TRAPPC9: variants seen among roughly 807,000 people sequenced by gnomAD.
TRAPPC9 encodes IKK2 binding protein.
A neutral mutation model predicts 124.0 loss-of-function variants in TRAPPC9; 83 were observed. That is an observed-to-expected ratio of 0.67 (90% CI 0.56 to 0.80). The LOEUF (loss-of-function observed/expected upper bound fraction) is 0.80, where lower values mean the gene tolerates loss of function less well. Among genes scored for constraint, TRAPPC9 ranks in the 30% least tolerant of loss-of-function variants. The pLI is 0.00. For missense variants in TRAPPC9, 1,302 were observed against 1,508.3 expected, an observed-to-expected ratio of 0.86 and a Z score of 2.27; for synonymous variants, 638 against 617.5, an observed-to-expected ratio of 1.03 and a Z score of -0.49.
chr8:139,814,202 G>A (rs1251858303), intron 21 of TRAPPC9, among the ~76,000 whole-genome samples: 1 of 152,216 alleles, frequency 6.6e-6, no homozygotes, highest in Non-Finnish European at 1.5e-5. Context: ...CCAGGGGCAG[G>A]CTGTGATGTC....
In TRAPPC9 at chr8:140,450,960, G is replaced by A. The variant is rs115986561; in HGVS notation, c.414C>T (p.Tyr138=). 2,492 of 1,614,118 alleles carry A rather than the reference G, an allele frequency of 1.5e-3. 33 individuals carry two copies. The African/African-American group carries it at 0.028, about 18-fold the overall frequency. Residue 138 remains tyrosine (Y), a synonymous_variant, in exon 2 of 23, where the codon TAC becomes TAT. Transcript: ENST00000438773. ...PRTDVAFYPN[Y]EDCQTVEKRI... ...TCTTCTCCACCGTCTGGCAGTCCTC[G>A]TAGTTGGGGTAGAAAGCCACGTCGG...
intron 11 of TRAPPC9, among the ~76,000 whole-genome samples, chr8:140,292,736 A>C (rs2065694687): frequency 6.6e-6 from 1 of 150,668 alleles, no homozygotes; most frequent in African/African-American, 2.5e-5. Context: ...AAAGACTTAA[A>C]CGTTAGACCT....
Position 139,730,986 on chromosome 8 carries a change from C to T in TRAPPC9, c.*75G>A, listed in dbSNP as rs1817781040. The T allele has an allele frequency of 3.3e-6, 5 of 1,535,314 alleles. No individual in the cohort carries two copies. The highest frequency in any genetic ancestry group is 1.4e-5 in the African/African-American group (1 of 73,730). On this transcript the variant is annotated 3_prime_UTR_variant, in exon 23 of 23. Coordinates refer to ENST00000438773, the MANE Select transcript of TRAPPC9 (RefSeq NM_001160372.4). ...AGATGGGGCTGCAGTGAAGGCCTTG[C>T]TCATTGCAGGGGGTGTGGGAGGCCA...
intron 18 of TRAPPC9, among the ~76,000 whole-genome samples, chr8:140,020,075 GT>G (rs1204342653): frequency 1.3e-5 from 2 of 152,082 alleles, no homozygotes; most frequent in African/African-American, 4.8e-5. Context: ...TGTGGAATTA[GT>G]AGTAATGCCA....
intron 9 of TRAPPC9, among the ~76,000 whole-genome samples, chr8:140,347,845 T>C (rs770378546): frequency 8.5e-5 from 13 of 152,238 alleles, no homozygotes; most frequent in Non-Finnish European, 1.8e-4. Flanking sequence ...TTTATAGCTG[T>C]CTCATAATTT....
chr8:139,864,617 G>A (rs997362043), intron 21 of TRAPPC9, among the ~76,000 whole-genome samples: 1 of 152,170 alleles, frequency 6.6e-6, no homozygotes, highest in Non-Finnish European at 1.5e-5. Flanking sequence ...CTCTGTAAAT[G>A]ACAGTAGCAT....
chr8:139,911,003 G>A (rs12545431), intron 19 of TRAPPC9, among the ~76,000 whole-genome samples: 20,781 of 152,210 alleles, frequency 0.14, 1,635 homozygotes, highest in African/African-American at 0.19. Context: ...GTTTTGAAAT[G>A]TGAAGATATG....
intron 14 of TRAPPC9, 24 bp downstream of exon 14, chr8:140,283,865 C>T (rs191363774): frequency 6.2e-7 from 1 of 1,613,724 alleles, no homozygotes; most frequent in African/African-American, 1.3e-5. Flanking sequence ...AGCCACTCTG[C>T]TCTGTGACCC....
chr8:140,118,443 T>C (rs780375674), intron 17 of TRAPPC9, among the ~76,000 whole-genome samples: 5 of 152,204 alleles, frequency 3.3e-5, no homozygotes, highest in Non-Finnish European at 7.3e-5. Context: ...TGTCTGAGTA[T>C]CTTAGTGGAC....
At chr8:140,185,692 G>C (rs2062337253) in intron 17 of TRAPPC9, among the ~76,000 whole-genome samples, 1 of 152,250 alleles carries the variant, frequency 6.6e-6, no homozygotes, top group African/African-American at 2.4e-5. Flanking sequence ...CACCAGCGAG[G>C]GGCGGGGACT....
At chr8:140,052,671 A>C (rs1233277033) in intron 17 of TRAPPC9, among the ~76,000 whole-genome samples, 2 of 152,006 alleles carry the variant, frequency 1.3e-5, no homozygotes, top group African/African-American at 4.8e-5. Context: ...AATCCCAGCT[A>C]CTCAGGAGGC....
At chr8:140,151,276 G>A (rs2061539421) in intron 17 of TRAPPC9, among the ~76,000 whole-genome samples, 1 of 152,162 alleles carries the variant, frequency 6.6e-6, no homozygotes, top group Non-Finnish European at 1.5e-5. Flanking sequence ...CAGACTCACA[G>A]CAGGCCTGGG....
rs191387232 is a variant in TRAPPC9, at chr8:139,894,313, G to A, written c.2965-8344C>T. 4.3e-3 allele frequency among the ~76,000 whole-genome samples: 652 copies of A among 152,308 alleles called. 9 individuals are homozygous for A. Among genetic ancestry groups the A allele is most frequent in the African/African-American group, 0.015 (625 of 41,552 alleles). ...TCCTTGCGGGGAGGCCCAGGAGAGA[G>A]CCAATGCCAACCCCCAACGAGACCA... On this transcript the variant is annotated intron_variant, in intron 20 of 22. Coordinates refer to ENST00000438773, the MANE Select transcript of TRAPPC9 (RefSeq NM_001160372.4).
chr8:139,929,188 T>C (rs1832978193), intron 19 of TRAPPC9, among the ~76,000 whole-genome samples: 1 of 152,242 alleles, frequency 6.6e-6, no homozygotes, highest in African/African-American at 2.4e-5. Context: ...AGGTTTTATA[T>C]ACTTTTCTGT....
intron 17 of TRAPPC9, among the ~76,000 whole-genome samples, chr8:140,180,456 C>T (rs547742490): frequency 2.6e-5 from 4 of 151,942 alleles, no homozygotes; most frequent in South Asian, 2.1e-4. Context: ...TTCAAGGAAA[C>T]GTAAAAATTC....
intron 20 of TRAPPC9, 35 bp downstream of exon 20, chr8:139,910,112 G>A (rs1831621346): frequency 1.1e-5 from 17 of 1,613,010 alleles, no homozygotes; most frequent in Non-Finnish European, 1.4e-5. Context: ...GGGCAAAGGT[G>A]CCCCCAGGCC....
At chr8:139,961,926 G>C (rs1835390897) in intron 19 of TRAPPC9, among the ~76,000 whole-genome samples, 1 of 123,970 alleles carries the variant, frequency 8.1e-6, no homozygotes, top group Non-Finnish European at 1.9e-5. Flanking sequence ...CAGCTGCAGA[G>C]ACAAATAACC....
chr8:139,905,776 T>C (rs971060174), intron 20 of TRAPPC9, among the ~76,000 whole-genome samples: 2 of 151,758 alleles, frequency 1.3e-5, no homozygotes, highest in Admixed American at 6.6e-5. Context: ...ATAAATAGGG[T>C]TTAAGAAAAG....
chr8:140,349,079 G>C (rs961701531), intron 9 of TRAPPC9, among the ~76,000 whole-genome samples: 4 of 145,502 alleles, frequency 2.7e-5, no homozygotes, highest in African/African-American at 7.6e-5. Context: ...GGGGCTGAAG[G>C]GGGGCGTGCG....
Sources: gnomAD v4.1 joint callset for allele counts (sites outside exome capture counted in the v4.1 genomes callset) on GRCh38, gnomAD v4.1.1 for gene constraint, MANE v1.5 for transcripts, NCBI Gene and HGNC (gene_info 2026-07-23, HGNC 2026-07-21) for gene names.